The following JARID2 variants were observed in gnomAD, a reference collection of about 807,000 sequenced individuals.
JARID2 encodes the protein jumonji and AT-rich interaction domain containing 2.
In JARID2, 21 loss-of-function variants were observed where a neutral mutation model predicts 125.6. That is an observed-to-expected ratio of 0.17 (90% confidence interval 0.12 to 0.24). The LOEUF (loss-of-function observed/expected upper bound fraction) is 0.24, where lower values mean the gene tolerates loss of function less well. Among genes scored for constraint, JARID2 ranks in the 10% least tolerant of loss-of-function variants. The pLI is 1.00. For synonymous variants in JARID2, 736 were observed against 661.6 expected (o/e 1.11, Z -1.73); for missense variants, 1,303 against 1,639.6 (o/e 0.79, Z 3.55).
At chr6:15,257,112 T>TAGAA (rs1204193179) in intron 1 of JARID2, among the ~76,000 whole-genome samples, 1 of 152,186 alleles carries the variant, frequency 6.6e-6, no homozygotes, top group African/African-American at 2.4e-5. Flanking sequence ...CCTGATACAG[T>TAGAA]AGAAGGCCCT....
At chr6:15,488,346 C>T (rs533012459) in intron 6 of JARID2, among the ~76,000 whole-genome samples, 6 of 152,352 alleles carry the variant, frequency 3.9e-5, no homozygotes, top group East Asian at 3.9e-4. Context: ...GGCTTGTCCC[C>T]GGACAGGTGG....
At chr6:15,304,297 T>A in intron 1 of JARID2, among the ~76,000 whole-genome samples, 1 of 96,338 alleles carries the variant, frequency 1.0e-5, no homozygotes, top group Non-Finnish European at 2.3e-5. Flanking sequence ...GGACATAATT[T>A]GCTGATCCCC....
chr6:15,326,443 A>G (rs762729703), intron 1 of JARID2, among the ~76,000 whole-genome samples: 19 of 152,260 alleles, frequency 1.2e-4, no homozygotes, highest in Non-Finnish European at 2.6e-4. Context: ...CCCATGCCTT[A>G]GCCTTCCAAA....
At chr6:15,419,292 C>G (rs969239308) in intron 3 of JARID2, among the ~76,000 whole-genome samples, 1 of 152,062 alleles carries the variant, frequency 6.6e-6, no homozygotes, top group Non-Finnish European at 1.5e-5. Flanking sequence ...TTAGAGTTAT[C>G]ATGGGTGAAA....
chr6:15,413,034 T>TTTTTTTTTTTTTTTTTG (rs1765970302), intron 3 of JARID2, among the ~76,000 whole-genome samples: 1 of 133,190 alleles, frequency 7.5e-6, no homozygotes, highest in African/African-American at 3.0e-5. Context: ...TTTTTTTTTT[T>TTTTTTTTTTTTTTTTTG]TTGAGACTGA....
intron 16 of JARID2, among the ~76,000 whole-genome samples, chr6:15,514,313 C>T (rs1295037337): frequency 6.6e-6 from 1 of 152,256 alleles, no homozygotes; most frequent in Non-Finnish European, 1.5e-5. Context: ...AGAGAGCATG[C>T]CCGAAGGGCC....
chr6:15,476,184 A>G (rs573340709), intron 5 of JARID2, among the ~76,000 whole-genome samples: 1 of 152,308 alleles, frequency 6.6e-6, no homozygotes, highest in East Asian at 1.9e-4. Context: ...ATGCTTTACC[A>G]CTGGGGTGGG....
At chr6:15,277,673 T>C (rs1420663695) in intron 1 of JARID2, among the ~76,000 whole-genome samples, 2 of 152,098 alleles carry the variant, frequency 1.3e-5, no homozygotes, top group South Asian at 2.1e-4. Context: ...ATTCAGTAGC[T>C]GTTACTGAAG....
rs56268949 is a variant in JARID2 at position 15,486,806 on chromosome 6, C to CTTTTTTTTTTTTTTTTTTTTTTTTTT, written c.671-483_671-482insTTTTTTTTTTTTTTTTTTTTTTTTTT. ...CATCTCTTTTAAATCTGAGAATAGA[C>CTTTTTTTTTTTTTTTTTTTTTTTTTT]TTTTTTTTTTTTTTTTTTGAGACAG... On this transcript the variant is annotated intron_variant, in intron 5 of 17. Transcript: ENST00000341776. Among the ~76,000 whole-genome samples, 31 of 100,520 alleles carry CTTTTTTTTTTTTTTTTTTTTTTTTTT rather than the reference C, an allele frequency of 3.1e-4. 2 individuals carry two copies. The highest frequency in any genetic ancestry group is 4.8e-4 in the African/African-American group (10 of 20,918). 65.9% of individuals were successfully genotyped at this position (100,520 alleles called of 152,430 possible).
chr6:15,408,977 G>A (rs1765764174), intron 2 of JARID2, among the ~76,000 whole-genome samples: 2 of 152,100 alleles, frequency 1.3e-5, no homozygotes, highest in Non-Finnish European at 1.5e-5. Context: ...GTGAATAACC[G>A]TGTGTTTTAT....
chr6:15,299,002 T>TG (rs1226130568), intron 1 of JARID2, among the ~76,000 whole-genome samples: 4 of 89,984 alleles, frequency 4.4e-5, no homozygotes, highest in Admixed American at 1.5e-4. Context: ...TTTGCGGGGG[T>TG]GGGGGGCGGG....
chr6:15,361,465 T>C (rs559997703), intron 1 of JARID2, among the ~76,000 whole-genome samples: 1 of 152,372 alleles, frequency 6.6e-6, no homozygotes. Flanking sequence ...GGTAAATTTC[T>C]ACATACATCC....
At chr6:15,460,184 C>G (rs1034286123) in intron 4 of JARID2, among the ~76,000 whole-genome samples, 1 of 152,090 alleles carries the variant, frequency 6.6e-6, no homozygotes, top group Non-Finnish European at 1.5e-5. Context: ...AAATCTGAAA[C>G]CCTGAAATTT....
chr6:15,397,802 A>G (rs760573822), intron 2 of JARID2, among the ~76,000 whole-genome samples: 1 of 152,198 alleles, frequency 6.6e-6, no homozygotes, highest in Non-Finnish European at 1.5e-5. Flanking sequence ...CCCAAATATT[A>G]TCTAAGAGAA....
At chr6:15,469,899 C>T (rs1768986705) in intron 5 of JARID2, among the ~76,000 whole-genome samples, 1 of 152,082 alleles carries the variant, frequency 6.6e-6, no homozygotes, top group Non-Finnish European at 1.5e-5. Flanking sequence ...AGGAAAGAGG[C>T]TGGGCGAGGT....
intron 4 of JARID2, among the ~76,000 whole-genome samples, chr6:15,463,786 A>AT (rs1768577765): frequency 6.6e-6 from 1 of 152,178 alleles, no homozygotes; most frequent in African/African-American, 2.4e-5. Context: ...ACTCAGCACA[A>AT]TATAATTACG....
intron 2 of JARID2, among the ~76,000 whole-genome samples, chr6:15,408,786 A>G (rs1334387170): frequency 6.6e-6 from 1 of 152,198 alleles, no homozygotes; most frequent in Admixed American, 6.5e-5. Flanking sequence ...GGCTACTGTA[A>G]TGGAGAACAT....
intron 2 of JARID2, among the ~76,000 whole-genome samples, chr6:15,399,107 C>G (rs909871270): frequency 6.6e-6 from 1 of 152,154 alleles, no homozygotes; most frequent in Non-Finnish European, 1.5e-5. Context: ...GGGGTGCATT[C>G]CAAACACTTG....
At chr6:15,504,641 C>T (rs1242297604) in intron 9 of JARID2, 49 bp downstream of exon 9, 10 of 1,268,380 alleles carry the variant, frequency 7.9e-6, no homozygotes, top group South Asian at 2.4e-5. Context: ...GGGAACCCCT[C>T]GGCGAGCTGG....
Sources: gnomAD v4.1 joint callset for allele counts (sites outside exome capture counted in the v4.1 genomes callset) on GRCh38, gnomAD v4.1.1 for gene constraint, MANE v1.5 for transcripts, NCBI Gene and HGNC (gene_info 2026-07-23, HGNC 2026-07-21) for gene names.